Variants in PRDM11 observed in about 807,000 individuals in gnomAD.
The protein encoded by PRDM11 is PR domain-containing protein 11.
A neutral mutation model predicts 97.8 loss-of-function variants in PRDM11; 20 were observed. The observed-to-expected ratio is 0.20, with a 90% CI of 0.14 to 0.30. The LOEUF (loss-of-function observed/expected upper bound fraction) is 0.30. PRDM11 is among the 10% of genes least tolerant of loss of function. The probability of loss-of-function intolerance (pLI) is 1.00; values close to 1 mark genes in which losing one functional copy is unlikely to be tolerated. For synonymous variants in PRDM11, 599 were observed against 637.7 expected (o/e 0.94, Z 0.91); for missense variants, 1,139 against 1,555.2 (o/e 0.73, Z 4.50).
intron 7 of PRDM11, 48 bp downstream of exon 7, chr11:45,224,891 G>A: frequency 6.2e-7 from 1 of 1,604,640 alleles, no homozygotes; most frequent in African/African-American, 1.3e-5. Flanking sequence ...AGTACGCAGT[G>A]GGCTGTGTGG....
At chr11:45,205,126 C>T (rs540742108) in intron 5 of PRDM11, among the ~76,000 whole-genome samples, 1 of 152,282 alleles carries the variant, frequency 6.6e-6, no homozygotes, top group African/African-American at 2.4e-5. Context: ...CAGGCTCCTG[C>T]AGGGGTGGTG....
Position 45,146,782 on chromosome 11 carries a change from G to T in PRDM11, c.-102G>T, listed in dbSNP as rs1851519341. 1 of 146,504 alleles carries T rather than the reference G, an allele frequency of 6.8e-6. No homozygotes were observed. The highest frequency in any genetic ancestry group is 6.8e-5 in the Admixed American group (1 of 14,732). 9.1% of individuals were successfully genotyped at this position (146,504 alleles called of 1,614,324 possible). ...CCGCAGCGCGGCCGCTCCCTCCGCGGGGGCCGCCAGCCGAGGCCGCGCCGC... is the reference window on the plus strand; with the variant it reads ...CCGCAGCGCGGCCGCTCCCTCCGCGTGGGCCGCCAGCCGAGGCCGCGCCGC... On this transcript the variant is annotated 5_prime_UTR_variant, in exon 1 of 8. Coordinates refer to ENST00000683152, the MANE Select transcript of PRDM11 (RefSeq NM_001384648.1).
At chr11:45,121,808 T>A (rs1302202155) in intron 1 of PRDM11, among the ~76,000 whole-genome samples, 1 of 152,134 alleles carries the variant, frequency 6.6e-6, no homozygotes, top group Admixed American at 6.6e-5. Flanking sequence ...AATCTCTAAA[T>A]GCTTGAAAAT....
chr11:45,221,779 G>C (rs958336928), intron 6 of PRDM11, among the ~76,000 whole-genome samples: 5 of 152,144 alleles, frequency 3.3e-5, no homozygotes, highest in African/African-American at 1.2e-4. Context: ...GTCACAGTGG[G>C]GCAGTTTCAC....
At position 45,226,452 on chromosome 11, in the gene PRDM11, C is replaced by A; in HGVS notation, c.1827C>A (p.Phe609Leu). 6.5e-7 allele frequency: 1 copy of A among 1,534,024 alleles called. No individual in the cohort carries two copies. The highest frequency in any genetic ancestry group is 8.7e-7 in the Non-Finnish European group (1 of 1,146,736). The change falls in exon 8 of 8, where the codon TTC (phenylalanine) becomes TTA (leucine). Residue 609 changes from phenylalanine to leucine, a missense_variant. This residue lies in a region of PRDM11 where 710 missense variants were observed against 1,044.9 expected (regional missense o/e 0.68). Coordinates refer to ENST00000683152, the MANE Select transcript of PRDM11 (RefSeq NM_001384648.1). ...TGGAGGGCAGGCCCTACCTGGACTT[C>A]CGGCCCCTGGCGGAGCTGCTGAGGA... The part of the protein sequence containing the change: ...LALEGRPYLD[F>L]RPLAELLRKC...
At chr11:45,112,206 C>T (rs1852197373) in intron 1 of PRDM11, among the ~76,000 whole-genome samples, 2 of 152,222 alleles carry the variant, frequency 1.3e-5, no homozygotes, top group Non-Finnish European at 2.9e-5. Context: ...ATTTGGCTCT[C>T]CATTCCCAAG....
intron 1 of PRDM11, among the ~76,000 whole-genome samples, chr11:45,120,811 G>A (rs183565394): frequency 6.6e-6 from 1 of 152,144 alleles, no homozygotes; most frequent in East Asian, 1.9e-4. Context: ...ACTTAAACCA[G>A]CAATAATGAC....
chr11:45,129,641 T>C (rs2135644347), intron 1 of PRDM11, among the ~76,000 whole-genome samples: 1 of 152,268 alleles, frequency 6.6e-6, no homozygotes, highest in Non-Finnish European at 1.5e-5. Context: ...CCTAAACACA[T>C]GGATTTACAT....
intron 1 of PRDM11, among the ~76,000 whole-genome samples, chr11:45,131,004 A>AT (rs1314446106): frequency 2.0e-5 from 3 of 152,236 alleles, no homozygotes; most frequent in African/African-American, 7.2e-5. Flanking sequence ...CACAACTCAA[A>AT]TGTCCATCAA....
Position 45,233,073 on chromosome 11 carries a change from T to G in PRDM11, c.*4914T>G, listed in dbSNP as rs962764320. 3.2e-4 allele frequency: 48 copies of G among 151,848 alleles called. No homozygotes were observed. The highest frequency in any genetic ancestry group is 1.2e-3 in the African/African-American group (48 of 41,286). 9.4% of individuals were successfully genotyped at this position (151,848 alleles called of 1,614,324 possible). A position where few individuals can be genotyped will look rare whatever the true frequency, so the allele number is the denominator to read the frequency against. The stretch of plus-strand genomic sequence containing the variant: ...ATATACAGTACGTATACACACAGAG[T>G]AAGAGAGTAAATCACGTCTATATAT... On this transcript the variant is annotated 3_prime_UTR_variant, in exon 8 of 8. Coordinates refer to ENST00000683152, the MANE Select transcript of PRDM11 (RefSeq NM_001384648.1).
intron 1 of PRDM11, among the ~76,000 whole-genome samples, chr11:45,105,963 CAA>C (rs973921366): frequency 6.6e-6 from 1 of 152,212 alleles, no homozygotes; most frequent in Admixed American, 6.5e-5. Flanking sequence ...CTTTAGGCAA[CAA>C]AGAGTTCCTG....
intron 4 of PRDM11, among the ~76,000 whole-genome samples, chr11:45,189,721 G>A (rs192320832): frequency 5.3e-4 from 81 of 152,278 alleles, no homozygotes; most frequent in African/African-American, 1.8e-3. Flanking sequence ...GAAAGTGGAC[G>A]TGCCAGAGCT....
intron 1 of PRDM11, among the ~76,000 whole-genome samples, chr11:45,122,405 T>G (rs1368646791): frequency 6.6e-6 from 1 of 151,676 alleles, no homozygotes; most frequent in Non-Finnish European, 1.5e-5. Context: ...CATGTATACA[T>G]GGTATACATA....
chr11:45,182,020 C>T (rs777305518), intron 2 of PRDM11, 135 bp downstream of exon 2: 35 of 867,028 alleles, frequency 4.0e-5, no homozygotes, highest in Non-Finnish European at 5.2e-5. Context: ...AGCTCCTGGG[C>T]GCAGGCTCTA....
intron 1 of PRDM11, among the ~76,000 whole-genome samples, chr11:45,130,228 G>A (rs1197471419): frequency 1.3e-5 from 2 of 152,194 alleles, no homozygotes; most frequent in Admixed American, 1.3e-4. Context: ...TTAAAAAGTT[G>A]TTAGAACACC....
chr11:45,180,653 G>A (rs1852453250), intron 1 of PRDM11, among the ~76,000 whole-genome samples: 1 of 150,680 alleles, frequency 6.6e-6, no homozygotes, highest in East Asian at 1.9e-4. Context: ...CCCCCGCAAG[G>A]AATGCCGGGC....
In PRDM11 at chr11:45,182,943, C is replaced by T. The variant is rs200988555; in HGVS notation, c.306C>T (p.Pro102=). 96 of 1,613,786 alleles carry T rather than the reference C, an allele frequency of 5.9e-5. 1 individual carries two copies. In the East Asian group the frequency reaches 1.3e-3, roughly 21 times the overall value. Residue 102 remains proline (P), a synonymous_variant, in exon 4 of 8, where the codon CCC becomes CCT. Coordinates refer to ENST00000683152, the MANE Select transcript of PRDM11 (RefSeq NM_001384648.1). ...TGTTTGTGTCTGACACACCGGTGCC[C>T]GTGGGCATCCCAGACCGGGCGGCGC... ...PPVFVSDTPV[P]VGIPDRAALT...
chr11:45,100,690 C>T (rs979526919), intron 1 of PRDM11, among the ~76,000 whole-genome samples: 5 of 152,224 alleles, frequency 3.3e-5, no homozygotes, highest in African/African-American at 9.7e-5. Flanking sequence ...CATCCTCAAC[C>T]GGGCAGTTCC....
chr11:45,152,947 T>A (rs1224552780), intron 1 of PRDM11, among the ~76,000 whole-genome samples: 1 of 152,206 alleles, frequency 6.6e-6, no homozygotes, highest in Non-Finnish European at 1.5e-5. Context: ...GCTGACATGG[T>A]GATCAGATCC....
Sources: gnomAD v4.1 joint callset for allele counts (sites outside exome capture counted in the v4.1 genomes callset) on GRCh38, gnomAD v4.1.1 for gene constraint, gnomAD v4.1.1 regional missense constraint, MANE v1.5 for transcripts, NCBI Gene and HGNC (gene_info 2026-07-23, HGNC 2026-07-21) for gene names.